CDK7: variants seen among roughly 807,000 people sequenced by gnomAD.
CDK7 encodes the protein cyclin dependent kinase 7.
CDK7 carries 25 observed loss-of-function variants against 49.1 expected under a neutral mutation model. The observed-to-expected ratio is 0.51, with a 90% CI of 0.37 to 0.71. The LOEUF (loss-of-function observed/expected upper bound fraction) is 0.71. CDK7 is among the 30% of genes least tolerant of loss of function. The pLI is 0.00. For missense variants in CDK7, 316 were observed against 411.7 expected, an observed-to-expected ratio of 0.77 and a Z score of 2.01; for synonymous variants, 107 against 140.0, an observed-to-expected ratio of 0.76 and a Z score of 1.67.
intron 2 of CDK7, among the ~76,000 whole-genome samples, chr5:69,244,893 G>T (rs893974529): frequency 6.6e-6 from 1 of 151,926 alleles, no homozygotes. Flanking sequence ...TATCATGAAG[G>T]GATGTTAGAT....
intron 6 of CDK7, 29 bp downstream of exon 6, chr5:69,258,182 C>A: frequency 9.4e-7 from 1 of 1,064,118 alleles, no homozygotes; most frequent in Non-Finnish European, 1.4e-6. Flanking sequence ...CTTCTTTATA[C>A]TAGTCAAGTT....
At chr5:69,256,812 A>G (rs1750520958) in intron 5 of CDK7, among the ~76,000 whole-genome samples, 1 of 151,870 alleles carries the variant, frequency 6.6e-6, no homozygotes, top group Non-Finnish European at 1.5e-5. Flanking sequence ...TATGGATTGC[A>G]CCATTGCACT....
intron 8 of CDK7, among the ~76,000 whole-genome samples, chr5:69,268,506 A>C (rs1003342163): frequency 1.3e-5 from 2 of 152,182 alleles, no homozygotes; most frequent in Admixed American, 6.5e-5. Context: ...TTCGTTGCAG[A>C]GTTTTTAAGT....
intron 2 of CDK7, chr5:69,250,860 T>C (rs964458222): frequency 1.1e-5 from 5 of 456,468 alleles, no homozygotes; most frequent in Admixed American, 2.4e-5. Flanking sequence ...CTGCTGATTA[T>C]TCAGGGCCCA....
chr5:69,241,592 G>A (rs576062292), intron 2 of CDK7, among the ~76,000 whole-genome samples: 1 of 152,174 alleles, frequency 6.6e-6, no homozygotes, highest in African/African-American at 2.4e-5. Context: ...CCAAAGTGCT[G>A]GGATTACAGA....
intron 8 of CDK7, among the ~76,000 whole-genome samples, chr5:69,265,959 A>G (rs1235028596): frequency 6.6e-6 from 1 of 151,978 alleles, no homozygotes; most frequent in Non-Finnish European, 1.5e-5. Context: ...TTGGTAGTGC[A>G]TGCCTGTAGT....
intron 8 of CDK7, among the ~76,000 whole-genome samples, chr5:69,265,984 A>G (rs546801369): frequency 2.6e-5 from 4 of 151,950 alleles, no homozygotes; most frequent in African/African-American, 9.7e-5. Flanking sequence ...GCTGCTTGGG[A>G]GGCTGAAGTG....
At chr5:69,261,889 C>A (rs187525066) in intron 7 of CDK7, among the ~76,000 whole-genome samples, 20 of 152,218 alleles carry the variant, frequency 1.3e-4, no homozygotes, top group South Asian at 6.2e-4. Context: ...ATAGACAATT[C>A]TTTGAACTGG....
intron 2 of CDK7, among the ~76,000 whole-genome samples, chr5:69,248,106 C>A (rs1327866052): frequency 6.6e-6 from 1 of 152,188 alleles, no homozygotes; most frequent in South Asian, 2.1e-4. Context: ...CTCCCTTTAG[C>A]ATTTCTTGTA....
chr5:69,262,401 G>T, intron 8 of CDK7, 97 bp downstream of exon 8: 1 of 1,508,594 alleles, frequency 6.6e-7, no homozygotes, highest in Non-Finnish European at 9.1e-7. Context: ...AGGCATGGTG[G>T]CTCACGCCTG....
chr5:69,260,007 A>G lies in CDK7; in HGVS notation c.527+71A>G, dbSNP rs1040046638. 1.2e-5 allele frequency: 11 copies of G among 943,920 alleles called. No homozygotes were observed. The Admixed American group carries it at 1.5e-4, about 13-fold the overall frequency. 58.5% of individuals were successfully genotyped at this position (943,920 alleles called of 1,614,324 possible). ...GAGCATCAACTGGCTTCTCTGAACT[A>G]TCTTGGCAGAGTTAAGGAATCATTG... On this transcript the variant is annotated intron_variant, in intron 7 of 11. Coordinates refer to ENST00000256443, the MANE Select transcript of CDK7 (RefSeq NM_001799.4).
chr5:69,259,221 C>G (rs1258727741), intron 6 of CDK7, among the ~76,000 whole-genome samples: 1 of 152,090 alleles, frequency 6.6e-6, no homozygotes, highest in Non-Finnish European at 1.5e-5. Flanking sequence ...TTTCTTGTAG[C>G]TCTAAAATTC....
At chr5:69,269,170 A>T (rs763973328) in intron 8 of CDK7, 37 bp from the exon 9 acceptor site, 3 of 1,292,930 alleles carry the variant, frequency 2.3e-6, no homozygotes, top group Non-Finnish European at 3.3e-6. Context: ...AAAAAAAAAA[A>T]CCCACCTTGA....
rs1383308777 is a variant in CDK7, at chr5:69,276,673, C to T, written c.995C>T (p.Thr332Ile). The T allele has an allele frequency of 3.1e-6, 5 of 1,614,008 alleles. No individual in the cohort carries two copies. The Admixed American group carries it at 5.0e-5, about 16-fold the overall frequency. Residue 332 changes from threonine (T) to isoleucine (I), a missense_variant, in exon 11 of 12, where the codon ACA becomes ATA. By Grantham distance (89) the Thr-to-Ile change is moderately conservative (BLOSUM62 -1). Transcript: ENST00000256443. ...GCTTTGGCAATAAAAAGGAAAAGAA[C>T]AGAGGCCTTAGAACAAGGTAAGATT... is the stretch of plus-strand genomic sequence containing the variant. ...NPALAIKRKR[T>I]EALEQGGLPK...
At chr5:69,239,472 T>C (rs1251150994) in intron 2 of CDK7, among the ~76,000 whole-genome samples, 2 of 152,174 alleles carry the variant, frequency 1.3e-5, no homozygotes, top group Non-Finnish European at 2.9e-5. Context: ...GGTTTCACTT[T>C]GTTGTCCAGT....
At chr5:69,261,488 C>CTGTGTG (rs376469145) in intron 7 of CDK7, among the ~76,000 whole-genome samples, 7,224 of 119,900 alleles carry the variant, frequency 0.06, 186 homozygotes, top group African/African-American at 0.075. Context: ...TGAAAAGGTT[C>CTGTGTG]TCTGTGTGTG....
At chr5:69,265,751 A>G (rs1293527521) in intron 8 of CDK7, among the ~76,000 whole-genome samples, 2 of 152,096 alleles carry the variant, frequency 1.3e-5, no homozygotes, top group Admixed American at 1.3e-4. Flanking sequence ...CTCTACCAAA[A>G]ATACAAAAAT....
chr5:69,276,093 G>A (rs897354617), intron 10 of CDK7, among the ~76,000 whole-genome samples: 37 of 151,964 alleles, frequency 2.4e-4, no homozygotes, highest in African/African-American at 8.5e-4. Flanking sequence ...GCAGTGGTGC[G>A]ATCTCGGCTC....
intron 5 of CDK7, among the ~76,000 whole-genome samples, chr5:69,256,183 T>C (rs1750477499): frequency 6.6e-6 from 1 of 152,012 alleles, no homozygotes; most frequent in South Asian, 2.1e-4. Flanking sequence ...ATCTCAGCAC[T>C]TTGAGAGGCC....
Sources: gnomAD v4.1 joint callset for allele counts (sites outside exome capture counted in the v4.1 genomes callset) on GRCh38, gnomAD v4.1.1 for gene constraint, MANE v1.5 for transcripts, NCBI Gene and HGNC (gene_info 2026-07-23, HGNC 2026-07-21) for gene names.